CBARP: variants seen among roughly 807,000 people sequenced by gnomAD.
CBARP encodes the protein voltage-dependent calcium channel beta subunit-associated regulatory protein.
In CBARP, 24 loss-of-function variants were observed where a neutral mutation model predicts 36.3. The observed-to-expected ratio is 0.66, with a 90% confidence interval of 0.48 to 0.93. The LOEUF is 0.93. Among genes scored for constraint, CBARP ranks in the 40% least tolerant of loss-of-function variants. The pLI is 0.00. For synonymous variants in CBARP, 586 were observed against 453.2 expected, an observed-to-expected ratio of 1.29 and a Z score of -3.72; for missense variants, 1,146 against 980.4, an observed-to-expected ratio of 1.17 and a Z score of -2.26.
Position 1,229,473 on chromosome 19 carries a change from C to G in CBARP, c.1824G>C (p.Ala608=), listed in dbSNP as rs1419590267. ...GCAAGGGCGCACGCGCGGGTCGGGC[C>G]GCGCCGGCAGGCGGTGCCGGGGTTC... ...LAGTPAPPAG[A]ARPARAPLRR... The change falls in exon 10 of 10, where the codon GCG becomes GCC. Residue 608 remains alanine, a synonymous_variant. Coordinates refer to ENST00000650044, the MANE Select transcript of CBARP (RefSeq NM_001393918.1). This position sits in a 1 kb window ranked among gnomAD's most constrained non-coding sequence, Gnocchi z 5.1. 9 of 978,946 alleles carry G rather than the reference C, an allele frequency of 9.2e-6. No homozygotes were observed. The highest frequency in any genetic ancestry group is 1.8e-5 in the African/African-American group (1 of 56,478). The allele number at this position is 978,946 out of a possible 1,614,324, so 60.6% of individuals were successfully genotyped here. A position where few individuals can be genotyped will look rare whatever the true frequency, so the allele number is the denominator to read the frequency against.
chr19:1,230,985 C>T, intron 9 of CBARP, 116 bp downstream of exon 9: 1 of 1,551,824 alleles, frequency 6.4e-7, no homozygotes, highest in Non-Finnish European at 8.7e-7. Context: ...CCGCTGGAGG[C>T]AGGCGAGCGC....
At chr19:1,231,601 G>A (rs2080895484) in intron 8 of CBARP, among the ~76,000 whole-genome samples, 1 of 87,724 alleles carries the variant, frequency 1.1e-5, no homozygotes, top group Non-Finnish European at 2.2e-5. Flanking sequence ...CCATGCCTGT[G>A]CCCCCCCCAC....
rs1391733218 is a variant in CBARP, at chr19:1,228,313, GA to G, written c.*865del. The stretch of plus-strand genomic sequence containing the variant: ...GTGCGGTCAATATTTATATCATCCA[GA>G]AAAGAAAAACACGAGAAACGCCATC... On this transcript the variant is annotated 3_prime_UTR_variant, in exon 10 of 10. Transcript: ENST00000650044. 3.8e-6 allele frequency: 1 copy of G among 264,590 alleles called. No individual in the cohort carries two copies. Among genetic ancestry groups the G allele is most frequent in the Admixed American group, 5.6e-5 (1 of 17,736 alleles). The allele number at this position is 264,590 out of a possible 1,614,324, so 16.4% of individuals were successfully genotyped here.
chr19:1,236,074 T>A lies in CBARP; in HGVS notation c.27A>T (p.Thr9=). 1 of 1,502,096 alleles carries A rather than the reference T, an allele frequency of 6.7e-7. No homozygotes were observed. The highest frequency in any genetic ancestry group is 8.9e-7 in the Non-Finnish European group (1 of 1,129,564). 93.0% of individuals were successfully genotyped at this position (1,502,096 alleles called of 1,614,324 possible). MQPTATMA[T]AATTTTTTTA... The stretch of plus-strand genomic sequence containing the variant: ...TGGTGGTGGTGGTGGTGGTGGCGGC[T>A]GTGGCCATGGTGGCTGTGGGCTGCA... The change falls in exon 2 of 10, where the codon ACA becomes ACT. Residue 9 remains threonine (T), a synonymous_variant. Coordinates refer to ENST00000650044, the MANE Select transcript of CBARP (RefSeq NM_001393918.1).
At position 1,230,071 on chromosome 19, in the gene CBARP, C is replaced by A. The variant is rs984847691; in HGVS notation, c.1226G>T (p.Gly409Val). The A allele has an allele frequency of 2.7e-6, 3 of 1,129,684 alleles. No individual in the cohort carries two copies. The highest frequency in any genetic ancestry group is 8.2e-4 in the Middle Eastern group (2 of 2,452). 70.0% of individuals were successfully genotyped at this position (1,129,684 alleles called of 1,614,324 possible). A position where few individuals can be genotyped will look rare whatever the true frequency, so the allele number is the denominator to read the frequency against. The change falls in exon 10 of 10, where the codon GGG (glycine) becomes GTG (valine). Residue 409 changes from glycine (G) to valine (V), a missense_variant. Gly to Val is a moderately radical substitution (Grantham distance 109). Transcript: ENST00000650044. ...SPPERGAGSAGPEQQQPPLEP... is the reference protein window; with the variant it reads ...SPPERGAGSAVPEQQQPPLEP... ...CAGTGGCGGCTGCTGCTGCTCAGGC[C>A]CCGCGCTGCCCGCGCCGCGCTCCGG...
rs756989943 is a variant in CBARP at position 1,235,874 on chromosome 19, C to T, written c.150G>A (p.Val50=). The T allele has an allele frequency of 1.9e-6, 3 of 1,612,220 alleles. No homozygotes were observed. Among genetic ancestry groups the T allele is most frequent in the African/African-American group, 2.7e-5 (2 of 74,940 alleles). The part of the protein sequence containing the change: ...PILDNYVLLV[V]VMSLFVGGTL... ...TGCCCCCCACGAACAGCGACATCAC[C>T]ACCACCAGCAGCACGTAGTTGTCCA... The change falls in exon 3 of 10, where the codon GTG becomes GTA. Residue 50 remains valine, a synonymous_variant. Coordinates refer to ENST00000650044, the MANE Select transcript of CBARP (RefSeq NM_001393918.1).
chr19:1,229,963 T>C lies in CBARP; in HGVS notation c.1334A>G (p.Glu445Gly). 1 of 1,212,036 alleles carries C rather than the reference T, an allele frequency of 8.3e-7. No homozygotes were observed. The highest frequency in any genetic ancestry group is 1.1e-6 in the Non-Finnish European group (1 of 952,112). 75.1% of individuals were successfully genotyped at this position (1,212,036 alleles called of 1,614,324 possible). The change falls in exon 10 of 10, where the codon GAG (glutamate) becomes GGG (glycine). Residue 445 changes from glutamate (E) to glycine (G), a missense_variant. Transcript: ENST00000650044. This position sits in a 1 kb window ranked among gnomAD's most constrained non-coding sequence, Gnocchi z 5.1. ...RDLWSLRASLELHAAASDHSS... is the reference protein window; with the variant it reads ...RDLWSLRASLGLHAAASDHSS... Reference sequence around the variant, plus strand: ...GTGGTCCGAGGCGGCCGCATGCAGCTCAAGCGAGGCGCGCAGGCTCCACAG... The same window carrying C: ...GTGGTCCGAGGCGGCCGCATGCAGCCCAAGCGAGGCGCGCAGGCTCCACAG...
intron 8 of CBARP, among the ~76,000 whole-genome samples, chr19:1,232,502 G>T (rs917780146): frequency 6.6e-6 from 1 of 152,158 alleles, no homozygotes; most frequent in East Asian, 1.9e-4. Context: ...CCTCTGGGCT[G>T]CCCTGGCCCT....
chr19:1,233,339 C>T, intron 8 of CBARP, 87 bp downstream of exon 8: 1 of 1,339,654 alleles, frequency 7.5e-7, no homozygotes, highest in Non-Finnish European at 1.0e-6. Flanking sequence ...CAGCCCACAA[C>T]CTCCTGCTCC....
At chr19:1,234,094 G>T in intron 7 of CBARP, 97 bp downstream of exon 7, 1 of 1,338,424 alleles carries the variant, frequency 7.5e-7, no homozygotes, top group Middle Eastern at 2.0e-4. Flanking sequence ...GCGGTGGCTG[G>T]CAGGTCATAG....
chr19:1,229,910 C>G lies in CBARP; in HGVS notation c.1387G>C (p.Val463Leu), dbSNP rs2080866844. The change falls in exon 10 of 10, where the codon GTG becomes CTG. Residue 463 changes from valine to leucine, a missense_variant. Coordinates refer to ENST00000650044, the MANE Select transcript of CBARP (RefSeq NM_001393918.1). The surrounding 1 kb of genome is among the most constrained non-coding windows in gnomAD (Gnocchi z 5.1). ...GAGCCCGAGCTGTCGCCGCTGCGCA[C>G]CGAGTCGCGGTCGTTGCCGCTGCTG... The part of the protein sequence containing the change: ...HSSSGNDRDS[V>L]RSGDSSGSGS... 1 of 1,123,408 alleles carries G rather than the reference C, an allele frequency of 8.9e-7. No individual in the cohort carries two copies. The highest frequency in any genetic ancestry group is 1.1e-6 in the Non-Finnish European group (1 of 898,492). The allele number at this position is 1,123,408 out of a possible 1,614,324, so 69.6% of individuals were successfully genotyped here. A position where few individuals can be genotyped will look rare whatever the true frequency, so the allele number is the denominator to read the frequency against.
chr19:1,233,390 A>G, intron 8 of CBARP, 36 bp downstream of exon 8: 1 of 1,532,458 alleles, frequency 6.5e-7, no homozygotes, highest in South Asian at 1.2e-5. Context: ...CACCCAGCCC[A>G]CAGGGGCCCA....
At chr19:1,237,402 TG>T (rs1284406848) in intron 1 of CBARP, among the ~76,000 whole-genome samples, 1 of 140,542 alleles carries the variant, frequency 7.1e-6, no homozygotes, top group Non-Finnish European at 1.6e-5. Flanking sequence ...GGGGGGCTCC[TG>T]GGGGAGGCGG....
chr19:1,235,472 G>A (rs2080955757), intron 4 of CBARP, 29 bp downstream of exon 4: 1 of 1,557,696 alleles, frequency 6.4e-7, no homozygotes, highest in African/African-American at 1.4e-5. Flanking sequence ...GGACAGGCGA[G>A]CGCACAGCCA....
In CBARP at chr19:1,234,986, C is replaced by T. The variant is rs775832489; in HGVS notation, c.455+15G>A. 9.4e-6 allele frequency: 15 copies of T among 1,593,418 alleles called. No homozygotes were observed. The highest frequency in any genetic ancestry group is 4.4e-5 in the South Asian group (4 of 90,240). ...AGACAGGCCCTGGGGTGCCTCCCAA[C>T]GCCGCCCCGCTTACCGGCGACCCTT... On this transcript the variant is annotated intron_variant, in intron 5 of 9. Coordinates refer to ENST00000650044, the MANE Select transcript of CBARP (RefSeq NM_001393918.1).
Position 1,235,086 on chromosome 19 carries a change from A to G in CBARP, c.370T>C (p.Ser124Pro). ...CQDAETERFL[S>P]TSSTGRRVSF... The stretch of plus-strand genomic sequence containing the variant: ...ACCCGGCGGCCCGTGGAGCTGGTGG[A>G]CAGGAAGCGTTCGGTCTCCGCATCC... Residue 124 changes from serine (S) to proline (P), a missense_variant, in exon 5 of 10, where the codon TCC becomes CCC. Transcript: ENST00000650044. 1 of 1,609,332 alleles carries G rather than the reference A, an allele frequency of 6.2e-7. No homozygotes were observed. The highest frequency in any genetic ancestry group is 8.5e-7 in the Non-Finnish European group (1 of 1,178,402).
chr19:1,230,185 G>A, intron 9 of CBARP, 43 bp from the exon 10 acceptor site: 1 of 996,624 alleles, frequency 1.0e-6, no homozygotes, highest in South Asian at 4.2e-5. Context: ...CGAGCCCCGC[G>A]CCCCCTACCC....
rs775095985 is a variant in CBARP, at chr19:1,229,268, G to A, written c.2029C>T (p.Leu677Phe). 1.5e-4 allele frequency: 194 copies of A among 1,252,644 alleles called. No individual in the cohort carries two copies. Among genetic ancestry groups the A allele is most frequent in the Admixed American group, 2.1e-4 (8 of 39,022 alleles). 77.6% of individuals were successfully genotyped at this position (1,252,644 alleles called of 1,614,324 possible). ...GGCTCGGCGAGGCGCGGCGGAAAGA[G>A]TCTCTCGTCGAGGCCAGCCGCCAGC... ...DKLAAGLDER[L>F]FPPRLAEPVV... The change falls in exon 10 of 10, where the codon CTC becomes TTC. Residue 677 changes from leucine (L) to phenylalanine (F), a missense_variant. Coordinates refer to ENST00000650044, the MANE Select transcript of CBARP (RefSeq NM_001393918.1). The surrounding 1 kb of genome is among the most constrained non-coding windows in gnomAD (Gnocchi z 5.1).
Position 1,229,058 on chromosome 19 carries a change from C to G in CBARP, c.*121G>C, listed in dbSNP as rs1282642690. ...GCGCCTCCGTCGCCCGGCGCGTGCGCGAAGGGCCCGCGGTCCCCGCGCATT... is the reference window on the plus strand; with the variant it reads ...GCGCCTCCGTCGCCCGGCGCGTGCGGGAAGGGCCCGCGGTCCCCGCGCATT... On this transcript the variant is annotated 3_prime_UTR_variant, in exon 10 of 10. Coordinates refer to ENST00000650044, the MANE Select transcript of CBARP (RefSeq NM_001393918.1). The surrounding 1 kb of genome is among the most constrained non-coding windows in gnomAD (Gnocchi z 5.1). 1.7e-5 allele frequency: 4 copies of G among 242,100 alleles called. No homozygotes were observed. The highest frequency in any genetic ancestry group is 2.6e-5 in the Non-Finnish European group (4 of 153,400). 15.0% of individuals were successfully genotyped at this position (242,100 alleles called of 1,614,324 possible).
Sources: gnomAD v4.1 joint callset for allele counts (sites outside exome capture counted in the v4.1 genomes callset) on GRCh38, gnomAD v4.1.1 for gene constraint, Gnocchi (gnomAD v3.1) non-coding constraint, MANE v1.5 for transcripts, NCBI Gene and HGNC (gene_info 2026-07-23, HGNC 2026-07-21) for gene names.